NR3C2: variants seen among roughly 807,000 people sequenced by gnomAD.
NR3C2 encodes the protein mineralocorticoid receptor.
In NR3C2, 15 loss-of-function variants were observed where a neutral mutation model predicts 86.4. The observed-to-expected ratio is 0.17, with a 90% CI of 0.12 to 0.27. The LOEUF is 0.27. Among genes scored for constraint, NR3C2 ranks in the 10% least tolerant of loss-of-function variants. The probability of loss-of-function intolerance (pLI) is 1.00; values close to 1 mark genes in which losing one functional copy is unlikely to be tolerated. For missense variants in NR3C2, 960 were observed against 1,195.6 expected (o/e 0.80, Z 2.91); for synonymous variants, 458 against 450.5 (o/e 1.02, Z -0.21).
chr4:148,152,629 A>G lies in NR3C2; in HGVS notation c.2366-16T>C. The stretch of plus-strand genomic sequence containing the variant: ...TTTTTAAATCCTGAAGAACAAAACA[A>G]TTAATCACAGAAATACACTTAGCAT... On this transcript the variant is annotated splice_polypyrimidine_tract_variant and intron_variant, in intron 5 of 8. Coordinates refer to ENST00000358102, the MANE Select transcript of NR3C2 (RefSeq NM_000901.5). The G allele has an allele frequency of 6.2e-7, 1 of 1,613,200 alleles. No homozygotes were observed. The highest frequency in any genetic ancestry group is 1.1e-5 in the South Asian group (1 of 91,056).
intron 3 of NR3C2, among the ~76,000 whole-genome samples, chr4:148,248,435 G>A (rs1197436708): frequency 6.6e-6 from 1 of 152,148 alleles, no homozygotes; most frequent in Non-Finnish European, 1.5e-5. Context: ...TTGTGGGAGG[G>A]TAAGAGAATG....
At chr4:148,411,728 G>A (rs550452115) in intron 2 of NR3C2, among the ~76,000 whole-genome samples, 4 of 152,304 alleles carry the variant, frequency 2.6e-5, no homozygotes, top group Admixed American at 2.0e-4. Context: ...ACTTATGTAA[G>A]GTGCCATATG....
intron 2 of NR3C2, among the ~76,000 whole-genome samples, chr4:148,359,119 T>C (rs1388003395): frequency 6.6e-6 from 1 of 152,158 alleles, no homozygotes; most frequent in Non-Finnish European, 1.5e-5. Flanking sequence ...TTGGTCCAAC[T>C]TCCCTATATA....
At chr4:148,353,811 ATTTTATTGT>A (rs1299258844) in intron 2 of NR3C2, among the ~76,000 whole-genome samples, 2 of 152,232 alleles carry the variant, frequency 1.3e-5, no homozygotes, top group Non-Finnish European at 2.9e-5. Context: ...TTTTATCAAG[ATTTTATTGT>A]TTTGCAGGAC....
rs1039491450 is a variant in NR3C2 at position 148,154,774 on chromosome 4, T to C, written c.2142A>G (p.Ala714=). 8 of 1,338,026 alleles carry C rather than the reference T, an allele frequency of 6.0e-6. No individual in the cohort carries two copies. In the South Asian group the frequency reaches 9.2e-5, roughly 15 times the overall value. 82.9% of individuals were successfully genotyped at this position (1,338,026 alleles called of 1,614,324 possible). Reference sequence around the variant, plus strand: ...GTGCTGTGTTGACCGAGGGTTCTTTTGCAGGAGCGATGTACGTTGTCCCTT... The same window carrying C: ...GTGCTGTGTTGACCGAGGGTTCTTTCGCAGGAGCGATGTACGTTGTCCCTT... The part of the protein sequence containing the change: ...PEEGTTYIAP[A]KEPSVNTALV... Residue 714 remains alanine, a synonymous_variant, in exon 5 of 9, where the codon GCA becomes GCG. Coordinates refer to ENST00000358102, the MANE Select transcript of NR3C2 (RefSeq NM_000901.5).
intron 4 of NR3C2, among the ~76,000 whole-genome samples, chr4:148,191,789 A>G (rs1225825279): frequency 6.6e-6 from 1 of 152,180 alleles, no homozygotes; most frequent in African/African-American, 2.4e-5. Flanking sequence ...TAGACTTTCC[A>G]GAGCATTTCA....
At chr4:148,305,262 T>G (rs1257740114) in intron 2 of NR3C2, among the ~76,000 whole-genome samples, 1 of 152,170 alleles carries the variant, frequency 6.6e-6, no homozygotes, top group Non-Finnish European at 1.5e-5. Context: ...AAGTATCTTT[T>G]GGGTCCAGGA....
At chr4:148,444,358 G>A (rs1750492540), upstream of NR3C2, 1 of 985,176 alleles carries the variant, frequency 1.0e-6, no homozygotes, top group South Asian at 4.7e-5. Context: ...CAGCACCCTT[G>A]CCCCAGGGCC....
Position 148,282,202 on chromosome 4 carries a change from G to A in NR3C2, c.1758-22085C>T, listed in dbSNP as rs377466720. Among the ~76,000 whole-genome samples the A allele has an allele frequency of 4.5e-4, 68 of 152,120 alleles. 1 individual carries two copies. In the South Asian group the frequency reaches 0.014, roughly 31 times the overall value. On this transcript the variant is annotated intron_variant, in intron 2 of 8. Coordinates refer to ENST00000358102, the MANE Select transcript of NR3C2 (RefSeq NM_000901.5). The stretch of plus-strand genomic sequence containing the variant: ...GCACCACCATGCCAGGCTAATTTTT[G>A]TATTTTTAGTACAGACAGGGTTTCA...
At chr4:148,260,175 G>A in intron 2 of NR3C2, 58 bp from the exon 3 acceptor site, 1 of 1,601,856 alleles carries the variant, frequency 6.2e-7, no homozygotes. Context: ...TTAACATGCT[G>A]CACAGCTTAG....
intron 5 of NR3C2, among the ~76,000 whole-genome samples, chr4:148,153,193 A>G (rs982849308): frequency 1.3e-5 from 2 of 150,982 alleles, no homozygotes; most frequent in South Asian, 4.2e-4. Context: ...TATTTTATTT[A>G]TTTATTTTTT....
intron 2 of NR3C2, among the ~76,000 whole-genome samples, chr4:148,409,969 G>GT (rs1748614359): frequency 6.6e-6 from 1 of 151,990 alleles, no homozygotes; most frequent in African/African-American, 2.4e-5. Context: ...ATGACATAAT[G>GT]TCTATAAAGT....
intron 2 of NR3C2, among the ~76,000 whole-genome samples, chr4:148,312,131 GA>G (rs1742932958): frequency 6.6e-6 from 1 of 152,112 alleles, no homozygotes; most frequent in South Asian, 2.1e-4. Context: ...CTGGCTCGTG[GA>G]AGCCAATTCT....
intron 2 of NR3C2, among the ~76,000 whole-genome samples, chr4:148,410,606 T>C (rs1055907618): frequency 1.3e-5 from 2 of 152,170 alleles, no homozygotes; most frequent in Non-Finnish European, 2.9e-5. Context: ...ACCTGGTGTC[T>C]TGTGACCTAT....
At chr4:148,200,603 A>G (rs1275907206) in intron 3 of NR3C2, among the ~76,000 whole-genome samples, 1 of 152,152 alleles carries the variant, frequency 6.6e-6, no homozygotes, top group African/African-American at 2.4e-5. Context: ...AATCCCTGTT[A>G]CTATCTGACT....
chr4:148,302,196 T>C (rs915284542), intron 2 of NR3C2, among the ~76,000 whole-genome samples: 1 of 152,166 alleles, frequency 6.6e-6, no homozygotes, highest in South Asian at 2.1e-4. Flanking sequence ...ACTGTGACAT[T>C]GGAATAAAGA....
intron 4 of NR3C2, among the ~76,000 whole-genome samples, chr4:148,189,028 T>C (rs186756707): frequency 5.8e-4 from 88 of 151,066 alleles, no homozygotes; most frequent in African/African-American, 2.0e-3. Context: ...CCTGGGTTCA[T>C]GCGATTCTCC....
chr4:148,397,206 C>T (rs1254957682), intron 2 of NR3C2, among the ~76,000 whole-genome samples: 2 of 152,220 alleles, frequency 1.3e-5, no homozygotes, highest in Non-Finnish European at 2.9e-5. Flanking sequence ...TTCTGACCAC[C>T]AGGGAGGGCC....
At chr4:148,093,430 A>T (rs1449313155) in intron 8 of NR3C2, among the ~76,000 whole-genome samples, 1 of 152,238 alleles carries the variant, frequency 6.6e-6, no homozygotes, top group African/African-American at 2.4e-5. Flanking sequence ...TGAATGATAC[A>T]GCCTCTCTAA....
Sources: gnomAD v4.1 joint callset for allele counts (sites outside exome capture counted in the v4.1 genomes callset) on GRCh38, gnomAD v4.1.1 for gene constraint, MANE v1.5 for transcripts, NCBI Gene and HGNC (gene_info 2026-07-23, HGNC 2026-07-21) for gene names.